The following ALX1 variants were observed in gnomAD, a reference collection of about 807,000 sequenced individuals.
ALX1 encodes the protein ALX homeobox 1.
Under a neutral mutation model 31.7 loss-of-function variants are expected in ALX1, and 19 were observed. The ratio of observed to expected loss-of-function variants is 0.60; its 90% CI spans 0.42 to 0.88. The LOEUF (loss-of-function observed/expected upper bound fraction) is 0.88, where lower values mean the gene tolerates loss of function less well. Among genes scored for constraint, ALX1 ranks in the 40% least tolerant of loss-of-function variants. ALX1 has a pLI of 0.00. For synonymous variants in ALX1, 153 were observed against 148.8 expected (o/e 1.03, Z -0.20); for missense variants, 415 against 407.8 (o/e 1.02, Z -0.15).
intron 2 of ALX1, among the ~76,000 whole-genome samples, chr12:85,284,220 T>TG (rs1491516677): frequency 9.3e-6 from 1 of 107,284 alleles, no homozygotes; most frequent in Non-Finnish European, 1.7e-5. Flanking sequence ...TATATTTATT[T>TG]GTTTTTTTTT....
intron 3 of ALX1, among the ~76,000 whole-genome samples, chr12:85,290,817 C>G (rs1311842211): frequency 2.0e-5 from 3 of 151,038 alleles, no homozygotes; most frequent in African/African-American, 7.3e-5. Flanking sequence ...CATATTTACT[C>G]CATGAAGCCT....
intron 3 of ALX1, among the ~76,000 whole-genome samples, chr12:85,290,785 A>C (rs1347980801): frequency 6.6e-6 from 1 of 150,964 alleles, no homozygotes; most frequent in Non-Finnish European, 1.5e-5. Flanking sequence ...CTCTGTCTTG[A>C]ATTTCCCTCC....
intron 3 of ALX1, among the ~76,000 whole-genome samples, chr12:85,289,206 A>G (rs1188874556): frequency 1.3e-5 from 2 of 151,326 alleles, no homozygotes; most frequent in Non-Finnish European, 3.0e-5. Context: ...CCTAGCATCA[A>G]TTAAGACCTA....
rs369322898 is a variant in ALX1, at chr12:85,283,643, A to G, written c.298A>G (p.Asn100Asp). 6.2e-6 allele frequency: 10 copies of G among 1,614,160 alleles called. No homozygotes were observed. In the African/African-American group the frequency reaches 6.7e-5, roughly 11 times the overall value. Residue 100 changes from asparagine (N) to aspartate (D), a missense_variant, in exon 2 of 4, where the codon AAC becomes GAC. Around this residue, in one of 3 missense-constraint regions of ALX1, gnomAD observed 235 missense variants for 208.9 expected, o/e 1.13. Transcript: ENST00000316824. Reference protein sequence around the residue: ...TELNRAMDNCNSLRMSPVKGM... With the variant: ...TELNRAMDNCDSLRMSPVKGM... Reference sequence around the variant, plus strand: ...ACTGAATAGAGCTATGGACAACTGTAACAGTCTCCGAATGTCTCCCGTGAA... The same window carrying G: ...ACTGAATAGAGCTATGGACAACTGTGACAGTCTCCGAATGTCTCCCGTGAA...
chr12:85,285,789 G>T (rs371643892), intron 2 of ALX1, among the ~76,000 whole-genome samples: 2 of 151,722 alleles, frequency 1.3e-5, no homozygotes, highest in East Asian at 3.8e-4. Flanking sequence ...GAACATAATT[G>T]TGTGAAGAAG....
In ALX1 at chr12:85,301,018, G is replaced by C. The variant is rs138992320; in HGVS notation, c.661-137G>C. On this transcript the variant is annotated intron_variant, in intron 3 of 3. Coordinates refer to ENST00000316824, the MANE Select transcript of ALX1 (RefSeq NM_006982.3). ...CTCAAGTAATTATTTTTTAGTCATT[G>C]TTGTATGTAATTACAGACCACCCAA... 2,342 of 816,364 alleles carry C rather than the reference G, an allele frequency of 2.9e-3. 10 individuals carry two copies. The highest frequency in any genetic ancestry group is 8.2e-3 in the Middle Eastern group (25 of 3,046). The allele number at this position is 816,364 out of a possible 1,614,324, so 50.6% of individuals were successfully genotyped here. A position where few individuals can be genotyped will look rare whatever the true frequency, so the allele number is the denominator to read the frequency against.
At position 85,280,300 on chromosome 12, in the gene ALX1, T is replaced by C; in HGVS notation, c.39T>C (p.Pro13=). 1 of 1,613,230 alleles carries C rather than the reference T, an allele frequency of 6.2e-7. No individual in the cohort carries two copies. The highest frequency in any genetic ancestry group is 8.5e-7 in the Non-Finnish European group (1 of 1,179,772). The change falls in exon 1 of 4, where the codon CCT becomes CCC. Residue 13 remains proline, a synonymous_variant. Transcript: ENST00000316824. ...FLSEKFALKS[P]PSKNSDFYMG... ...GCGAGAAGTTTGCCCTCAAGAGCCC[T>C]CCGAGTAAAAACAGTGACTTTTACA...
Position 85,286,951 on chromosome 12 carries a change from A to G in ALX1, c.630A>G (p.Ser210=). ...KSHFAATYDI[S]VLPRTDSYPQ... is the part of the protein sequence containing the mutation. ...ATTTTGCTGCCACCTATGATATATC[A>G]GTTTTGCCAAGGACTGACAGCTACC... is the stretch of plus-strand genomic sequence containing the variant. The change falls in exon 3 of 4, where the codon TCA becomes TCG. Residue 210 remains serine, a synonymous_variant. Coordinates refer to ENST00000316824, the MANE Select transcript of ALX1 (RefSeq NM_006982.3). 1 of 1,612,246 alleles carries G rather than the reference A, an allele frequency of 6.2e-7. No homozygotes were observed. Among genetic ancestry groups the G allele is most frequent in the Non-Finnish European group, 8.5e-7 (1 of 1,178,604 alleles).
At chr12:85,300,311 G>A (rs60489434) in intron 3 of ALX1, among the ~76,000 whole-genome samples, 1 of 151,968 alleles carries the variant, frequency 6.6e-6, no homozygotes, top group Non-Finnish European at 1.5e-5. Flanking sequence ...ATAATACGAA[G>A]TGTGAATATC....
chr12:85,288,771 G>A (rs146480309), intron 3 of ALX1, among the ~76,000 whole-genome samples: 1 of 151,500 alleles, frequency 6.6e-6, no homozygotes, highest in East Asian at 1.9e-4. Context: ...GTTCCCACTT[G>A]CCAGATTTTA....
rs1234441583 is a variant in ALX1, at chr12:85,286,941, A to G, written c.620A>G (p.Tyr207Cys). The G allele has an allele frequency of 6.2e-7, 1 of 1,612,254 alleles. No individual in the cohort carries two copies. The highest frequency in any genetic ancestry group is 1.3e-5 in the African/African-American group (1 of 74,952). The change falls in exon 3 of 4, where the codon TAT becomes TGT. Residue 207 changes from tyrosine to cysteine, a missense_variant. Coordinates refer to ENST00000316824, the MANE Select transcript of ALX1 (RefSeq NM_006982.3). ...QQAKSHFAAT[Y>C]DISVLPRTDS... ...GCGAAAAGCCATTTTGCTGCCACCT[A>G]TGATATATCAGTTTTGCCAAGGACT...
chr12:85,300,503 G>T (rs1331061448), intron 3 of ALX1, among the ~76,000 whole-genome samples: 4 of 151,870 alleles, frequency 2.6e-5, no homozygotes, highest in Non-Finnish European at 5.9e-5. Context: ...TCACATGTCT[G>T]TTTCAAATTC....
At chr12:85,300,135 G>A (rs1215175065) in intron 3 of ALX1, among the ~76,000 whole-genome samples, 1 of 151,926 alleles carries the variant, frequency 6.6e-6, no homozygotes, top group Non-Finnish European at 1.5e-5. Flanking sequence ...AACGTATGGG[G>A]TTCCTGCTTT....
chr12:85,291,116 C>T (rs1896812400), intron 3 of ALX1, among the ~76,000 whole-genome samples: 2 of 151,150 alleles, frequency 1.3e-5, no homozygotes, highest in African/African-American at 2.4e-5. Context: ...TGTTATTAAC[C>T]AGTTTTGTGA....
intron 2 of ALX1, among the ~76,000 whole-genome samples, 186 bp downstream of exon 2, chr12:85,284,062 C>T (rs779724921): frequency 2.6e-5 from 4 of 151,850 alleles, no homozygotes; most frequent in Non-Finnish European, 5.9e-5. Context: ...TGACAACTCA[C>T]GCAATATGTA....
intron 3 of ALX1, among the ~76,000 whole-genome samples, chr12:85,288,916 G>C (rs1465203017): frequency 1.3e-5 from 2 of 151,382 alleles, no homozygotes; most frequent in Non-Finnish European, 3.0e-5. Flanking sequence ...TAAAAATATA[G>C]GTGAAATGGA....
At chr12:85,297,954 G>C (rs1565943695) in intron 3 of ALX1, among the ~76,000 whole-genome samples, 1 of 151,522 alleles carries the variant, frequency 6.6e-6, no homozygotes, top group East Asian at 1.9e-4. Flanking sequence ...ATAAAATTTT[G>C]ATTATATCTG....
intron 3 of ALX1, among the ~76,000 whole-genome samples, chr12:85,296,622 T>C (rs1285999503): frequency 2.0e-5 from 3 of 151,394 alleles, no homozygotes; most frequent in African/African-American, 7.3e-5. Flanking sequence ...ACACCCCTAA[T>C]ATTTAAAAAA....
At chr12:85,292,513 A>G (rs1896831370) in intron 3 of ALX1, among the ~76,000 whole-genome samples, 1 of 151,102 alleles carries the variant, frequency 6.6e-6, no homozygotes, top group African/African-American at 2.4e-5. Context: ...CTTCATAAAT[A>G]TATGCCACTT....
Sources: allele counts gnomAD v4.1 joint callset (sites outside exome capture counted in the v4.1 genomes callset), GRCh38; gene constraint gnomAD v4.1.1; regional missense constraint gnomAD v4.1.1; transcripts MANE v1.5; gene names NCBI Gene and HGNC (gene_info 2026-07-23, HGNC 2026-07-21).